The following XG variants were observed in gnomAD, a reference collection of about 807,000 sequenced individuals.
XG encodes glycoprotein Xg.
A neutral mutation model predicts 25.7 loss-of-function variants in XG; 24 were observed. That is an observed-to-expected ratio of 0.93 (90% CI 0.68 to 1.31). The LOEUF (loss-of-function observed/expected upper bound fraction) is 1.31, where lower values mean the gene tolerates loss of function less well. XG is among the 40% of genes most tolerant of loss of function. The probability of loss-of-function intolerance (pLI) is 0.00; values close to 1 mark genes in which losing one functional copy is unlikely to be tolerated. For synonymous variants in XG, 77 were observed against 69.2 expected, an observed-to-expected ratio of 1.11 and a Z score of -0.56; for missense variants, 181 against 187.6, an observed-to-expected ratio of 0.96 and a Z score of 0.21.
At chrX:2,766,696 C>T (rs2124435820) in intron 1 of XG, among the ~76,000 whole-genome samples, 1 of 151,154 alleles carries the variant, frequency 6.6e-6, no homozygotes, top group South Asian at 2.1e-4. Context: ...TCCCGAGTAG[C>T]TGGGACTACA....
intron 7 of XG, among the ~76,000 whole-genome samples, chrX:2,803,053 T>C (rs1189476254): frequency 2.7e-5 from 3 of 112,055 alleles, no homozygotes; most frequent in Admixed American, 9.5e-5. Flanking sequence ...CTCACTGTTA[T>C]AATTTTTGCA....
At chrX:2,789,813 C>A in intron 5 of XG, 107 bp downstream of exon 5, 1 of 358,667 alleles carries the variant, frequency 2.8e-6, no homozygotes, top group East Asian at 5.8e-5. Flanking sequence ...TTATTTGATT[C>A]TATGTTATTT....
At chrX:2,777,540 C>G (rs2051025804) in intron 3 of XG, among the ~76,000 whole-genome samples, 3 of 152,024 alleles carry the variant, frequency 2.0e-5, no homozygotes, top group Admixed American at 6.6e-5. Context: ...TTGCAGTGAG[C>G]TGAGATTGCG....
At position 2,757,971 on chromosome X, in the gene XG, CAAAAA is replaced by C. The variant is rs59540338; in HGVS notation, c.61+5657_61+5661del. On this transcript the variant is annotated intron_variant, in intron 1 of 10. Coordinates refer to ENST00000644266, the MANE Select transcript of XG (RefSeq NM_001141919.2). ...TGGGTGACAGAGTAAGACTCCATCT[CAAAAA>C]AAAAAAAAAAAAAAAAAAAAGGAAA... Among the ~76,000 whole-genome samples the C allele has an allele frequency of 7.7e-3, 683 of 88,562 alleles. 3 individuals are homozygous for C. The highest frequency in any genetic ancestry group is 0.027 in the African/African-American group (620 of 23,330). The allele number at this position is 88,562 out of a possible 152,430, so 58.1% of individuals were successfully genotyped here.
At chrX:2,758,774 G>A (rs887398541) in intron 1 of XG, among the ~76,000 whole-genome samples, 1 of 152,186 alleles carries the variant, frequency 6.6e-6, no homozygotes, top group Non-Finnish European at 1.5e-5. Flanking sequence ...AACCTCATAT[G>A]TCAGTAGGAC....
chrX:2,764,680 C>G (rs754726925), intron 1 of XG, among the ~76,000 whole-genome samples: 1 of 152,026 alleles, frequency 6.6e-6, no homozygotes, highest in African/African-American at 2.4e-5. Context: ...TCTGCAGCAG[C>G]TGACCCAAGA....
At chrX:2,789,496 A>G (rs1329834241) in intron 4 of XG, 148 bp from the exon 5 acceptor site, 2 of 317,975 alleles carry the variant, frequency 6.3e-6, no homozygotes, top group Non-Finnish European at 1.1e-5. Context: ...CTGAGGTGGT[A>G]TTATGAATAT....
intron 7 of XG, among the ~76,000 whole-genome samples, chrX:2,804,624 A>G (rs2086976646): frequency 9.0e-6 from 1 of 111,724 alleles, no homozygotes; most frequent in Admixed American, 9.5e-5. Context: ...GTAAGGAGCT[A>G]TTCGGGACAC....
At chrX:2,783,058 T>C (rs1378585216) in intron 4 of XG, among the ~76,000 whole-genome samples, 3 of 111,185 alleles carry the variant, frequency 2.7e-5, no homozygotes, top group African/African-American at 9.8e-5. Flanking sequence ...TCCTCAGTCA[T>C]AATTTTTGCA....
chrX:2,775,792 C>G (rs910358084), intron 3 of XG, among the ~76,000 whole-genome samples: 1 of 150,880 alleles, frequency 6.6e-6, no homozygotes, highest in Non-Finnish European at 1.5e-5. Context: ...CTGGTCTCTA[C>G]TAAATATAAA....
At chrX:2,774,630 C>G (rs887609933) in intron 2 of XG, 86 bp from the exon 3 acceptor site, 50 of 1,468,322 alleles carry the variant, frequency 3.4e-5, no homozygotes, top group Non-Finnish European at 4.4e-5. Context: ...CCCTTTTCAC[C>G]TTTCATCAGG....
intron 1 of XG, among the ~76,000 whole-genome samples, chrX:2,767,866 T>A (rs1316543772): frequency 1.3e-5 from 2 of 152,184 alleles, no homozygotes; most frequent in Non-Finnish European, 2.9e-5. Flanking sequence ...CGGCCTCGTG[T>A]GTGTGAGTCA....
At chrX:2,805,067 C>G (rs1457611553) in intron 7 of XG, among the ~76,000 whole-genome samples, 1 of 112,217 alleles carries the variant, frequency 8.9e-6, no homozygotes, top group African/African-American at 3.2e-5. Flanking sequence ...ATGGAGGTGC[C>G]GGCTGGGATG....
At position 2,811,243 on chromosome X, in the gene XG, C is replaced by T. The variant is rs142104119; in HGVS notation, c.455-93C>T. ...TGTCATTACTTTCAATGGCAAAAAC[C>T]GCAATAACTTTTGGACCAACCTAAT... On this transcript the variant is annotated intron_variant, in intron 9 of 10. Coordinates refer to ENST00000644266, the MANE Select transcript of XG (RefSeq NM_001141919.2). The T allele has an allele frequency of 4.9e-3, 3,207 of 654,257 alleles. 48 individuals carry two copies. The highest frequency in any genetic ancestry group is 0.048 in the African/African-American group (2,157 of 44,866). 53.9% of individuals were successfully genotyped at this position (654,257 alleles called of 1,213,427 possible). A position where few individuals can be genotyped will look rare whatever the true frequency, so the allele number is the denominator to read the frequency against.
chrX:2,789,752 T>A, intron 5 of XG, 46 bp downstream of exon 5: 1 of 706,051 alleles, frequency 1.4e-6, no homozygotes, highest in South Asian at 5.9e-5. Flanking sequence ...TTATTTTATT[T>A]TATTTTACTA....
intron 1 of XG, among the ~76,000 whole-genome samples, chrX:2,767,526 G>T (rs193143245): frequency 2.6e-5 from 4 of 152,288 alleles, no homozygotes; most frequent in South Asian, 4.1e-4. Context: ...TAGATCTCCT[G>T]TTCCTGCCCC....
intron 4 of XG, among the ~76,000 whole-genome samples, chrX:2,784,629 G>C (rs780554097): frequency 2.8e-4 from 31 of 110,176 alleles, no homozygotes; most frequent in African/African-American, 9.9e-4. Flanking sequence ...CCTTTAAGAT[G>C]GGCCATCTTC....
At chrX:2,757,971 C>CAA (rs59540338) in intron 1 of XG, among the ~76,000 whole-genome samples, 183 of 88,386 alleles carry the variant, frequency 2.1e-3, no homozygotes, top group African/African-American at 4.7e-3. Flanking sequence ...GACTCCATCT[C>CAA]AAAAAAAAAA....
chrX:2,764,090 C>T (rs2124424886), intron 1 of XG, among the ~76,000 whole-genome samples: 1 of 152,280 alleles, frequency 6.6e-6, no homozygotes, highest in South Asian at 2.1e-4. Flanking sequence ...CCAAATTTTA[C>T]CAAATCCAAG....
Sources: allele counts gnomAD v4.1 joint callset (sites outside exome capture counted in the v4.1 genomes callset), GRCh38; gene constraint gnomAD v4.1.1; transcripts MANE v1.5; gene names NCBI Gene and HGNC (gene_info 2026-07-23, HGNC 2026-07-21).